TRIM68: variants seen among roughly 807,000 people sequenced by gnomAD.
The protein encoded by TRIM68 is tripartite motif containing 68, also known as E3 ubiquitin-protein ligase TRIM68.
Under a neutral mutation model 41.9 loss-of-function variants are expected in TRIM68, and 36 were observed. The ratio of observed to expected loss-of-function variants is 0.86; its 90% CI spans 0.66 to 1.14. The LOEUF (loss-of-function observed/expected upper bound fraction) is 1.14, where lower values mean the gene tolerates loss of function less well. TRIM68 is among the 50% of genes most tolerant of loss of function. The pLI, the probability that TRIM68 is intolerant of heterozygous loss-of-function variation, is 0.00. For missense variants in TRIM68, 632 were observed against 605.1 expected, an observed-to-expected ratio of 1.04 and a Z score of -0.47; for synonymous variants, 225 against 224.6, an observed-to-expected ratio of 1.00 and a Z score of -0.02.
chr11:4,603,555 T>C (rs1482113750), intron 2 of TRIM68, among the ~76,000 whole-genome samples: 2 of 152,262 alleles, frequency 1.3e-5, no homozygotes, highest in Non-Finnish European at 2.9e-5. Context: ...TCTAAATGTC[T>C]GTAAACTGGA....
At chr11:4,602,767 A>G (rs1278710974) in intron 3 of TRIM68, among the ~76,000 whole-genome samples, 4 of 152,222 alleles carry the variant, frequency 2.6e-5, no homozygotes, top group Admixed American at 6.5e-5. Flanking sequence ...TGTTGATATT[A>G]TATCTGTTCA....
Position 4,600,386 on chromosome 11 carries a change from G to C in TRIM68, c.1348C>G (p.Pro450Ala), listed in dbSNP as rs868551829. The C allele has an allele frequency of 3.7e-6, 6 of 1,613,992 alleles. No individual in the cohort carries two copies. Among genetic ancestry groups the C allele is most frequent in the South Asian group, 1.1e-5 (1 of 91,072 alleles). ...AGGCGCCCAGGGAAGGGATAGCGGGGGAAAGTGAAGATGTGGGAGCCACAG... is the reference window on the plus strand; with the variant it reads ...AGGCGCCCAGGGAAGGGATAGCGGGCGAAAGTGAAGATGTGGGAGCCACAG... Reference protein sequence around the residue: ...TDCGSHIFTFPRYPFPGRLLP... With the variant: ...TDCGSHIFTFARYPFPGRLLP... The change falls in exon 7 of 7, where the codon CCC becomes GCC. Residue 450 changes from proline to alanine, a missense_variant. Physicochemically the swap from Pro to Ala is conservative, Grantham distance 27. Coordinates refer to ENST00000300747, the MANE Select transcript of TRIM68 (RefSeq NM_018073.8).
rs775279519 is a variant in TRIM68 at position 4,603,195 on chromosome 11, G to A, written c.522+50C>T. ...GAATGCTACCCTAGGCCAGCTCCAG[G>A]ACCACACAGGACGACTGACACAAAC... On this transcript the variant is annotated intron_variant, in intron 3 of 6. Coordinates refer to ENST00000300747, the MANE Select transcript of TRIM68 (RefSeq NM_018073.8). 3.2e-6 allele frequency: 5 copies of A among 1,554,626 alleles called. No individual in the cohort carries two copies. The East Asian group carries it at 9.0e-5, about 28-fold the overall frequency.
chr11:4,601,759 G>A (rs1002564955), intron 4 of TRIM68, 73 bp from the exon 5 acceptor site: 2 of 1,570,226 alleles, frequency 1.3e-6, no homozygotes, highest in African/African-American at 1.4e-5. Flanking sequence ...CGAACTGGCA[G>A]GGAGTTTCTC....
chr11:4,602,235 G>A lies in TRIM68; in HGVS notation c.700C>T (p.Leu234Phe), dbSNP rs373863517. The change falls in exon 4 of 7, where the codon CTC (leucine) becomes TTC (phenylalanine). Residue 234 changes from leucine to phenylalanine, a missense_variant. Coordinates refer to ENST00000300747, the MANE Select transcript of TRIM68 (RefSeq NM_018073.8). ...MQKLELNHSE[L>F]IQQSQVLWRM... ...CACAGGACCTGGCTCTGCTGGATGA[G>A]CTCGCTATGGTTCAACTCCAGTTTC... 2.5e-6 allele frequency: 4 copies of A among 1,614,136 alleles called. No homozygotes were observed. Among genetic ancestry groups the A allele is most frequent in the Non-Finnish European group, 2.5e-6 (3 of 1,180,020 alleles).
intron 1 of TRIM68, among the ~76,000 whole-genome samples, chr11:4,606,447 C>T (rs954992266): frequency 6.6e-6 from 1 of 152,214 alleles, no homozygotes; most frequent in South Asian, 2.1e-4. Flanking sequence ...ACATGTTGAT[C>T]CTAGTTCCTG....
intron 3 of TRIM68, 77 bp downstream of exon 3, chr11:4,603,168 G>A (rs1325088763): frequency 5.3e-6 from 7 of 1,323,314 alleles, no homozygotes; most frequent in African/African-American, 2.9e-5. Context: ...TCACAGTGAT[G>A]AGAATGCTAC....
rs74581800 is a variant in TRIM68 at position 4,605,936 on chromosome 11, T to G, written c.-57-375A>C. 3.9e-3 allele frequency among the ~76,000 whole-genome samples: 594 copies of G among 152,344 alleles called. 7 individuals are homozygous for G. Among genetic ancestry groups the G allele is most frequent in the African/African-American group, 0.014 (571 of 41,582 alleles). The stretch of plus-strand genomic sequence containing the variant: ...TCACATAAAATGTGGTATTTCAGTA[T>G]CTGAAGTAAGGCCATAAATACCTCC... On this transcript the variant is annotated intron_variant, in intron 1 of 6. Transcript: ENST00000300747.
At chr11:4,602,502 G>A (rs1203083612) in intron 3 of TRIM68, 90 bp from the exon 4 acceptor site, 12 of 1,515,046 alleles carry the variant, frequency 7.9e-6, no homozygotes, top group Middle Eastern at 2.4e-4. Context: ...ACTCTGCAAT[G>A]GTACCAACCA....
chr11:4,605,030 C>A, intron 2 of TRIM68, 49 bp downstream of exon 2: 2 of 1,586,880 alleles, frequency 1.3e-6, no homozygotes, highest in Non-Finnish European at 1.7e-6. Context: ...CTAGAAACAG[C>A]CAACTTGGGG....
chr11:4,603,401 A>C (rs1846523047), intron 2 of TRIM68, 61 bp from the exon 3 acceptor site: 1 of 1,516,022 alleles, frequency 6.6e-7, no homozygotes, highest in Admixed American at 1.7e-5. Flanking sequence ...TAGCACTGGG[A>C]GGCTATGGGA....
At chr11:4,606,848 TAGCAGGA>T (rs1213719912) in intron 1 of TRIM68, among the ~76,000 whole-genome samples, 12 of 152,204 alleles carry the variant, frequency 7.9e-5, no homozygotes, top group Non-Finnish European at 1.3e-4. Flanking sequence ...CGCAGTCCAG[TAGCAGGA>T]AGCAGGAAGC....
In TRIM68 at chr11:4,604,333, T is replaced by C. The variant is rs139281164; in HGVS notation, c.426+746A>G. ...ACTGAGATAATGGTTCCGATAAAGATGTCATTATGGGCATCTGATGAAAGA... is the reference window on the plus strand; with the variant it reads ...ACTGAGATAATGGTTCCGATAAAGACGTCATTATGGGCATCTGATGAAAGA... On this transcript the variant is annotated intron_variant, in intron 2 of 6. Coordinates refer to ENST00000300747, the MANE Select transcript of TRIM68 (RefSeq NM_018073.8). Among the ~76,000 whole-genome samples the C allele has an allele frequency of 2.8e-3, 428 of 152,314 alleles. 2 individuals are homozygous for C. The highest frequency in any genetic ancestry group is 9.4e-3 in the African/African-American group (391 of 41,562).
rs987189311 is a variant in TRIM68, at chr11:4,601,690, G to A, written c.784-4C>T. 11 of 1,613,708 alleles carry A rather than the reference G, an allele frequency of 6.8e-6. No individual in the cohort carries two copies. The African/African-American group carries it at 1.5e-4, about 22-fold the overall frequency. On this transcript the variant is annotated splice_polypyrimidine_tract_variant and splice_region_variant and intron_variant, in intron 4 of 6. Coordinates refer to ENST00000300747, the MANE Select transcript of TRIM68 (RefSeq NM_018073.8). ...TGTTTAACACTTCCTGAATATCCTG[G>A]AAGGAGAAAAAAAAATGCAGCATCT...
rs1001971983 is a variant in TRIM68, at chr11:4,603,103, G to A, written c.522+142C>T. The A allele has an allele frequency of 6.3e-6, 5 of 788,742 alleles. No individual in the cohort carries two copies. In the African/African-American group the frequency reaches 8.6e-5, roughly 14 times the overall value. 48.9% of individuals were successfully genotyped at this position (788,742 alleles called of 1,614,324 possible). On this transcript the variant is annotated intron_variant, in intron 3 of 6. Transcript: ENST00000300747. ...CGTGGCCTACCTAAGGCCTGGGACAGAGAAAGCAGGGATTAGAACCCTAGG... is the reference window on the plus strand; with the variant it reads ...CGTGGCCTACCTAAGGCCTGGGACAAAGAAAGCAGGGATTAGAACCCTAGG...
In TRIM68 at chr11:4,600,930, G is replaced by A. The variant is rs530723510; in HGVS notation, c.907+97C>T. 30 of 1,562,210 alleles carry A rather than the reference G, an allele frequency of 1.9e-5. 1 individual carries two copies. Among genetic ancestry groups the A allele is most frequent in the East Asian group, 6.7e-5 (3 of 44,470 alleles). The stretch of plus-strand genomic sequence containing the variant: ...ACAGATTTCTCAATGATGAAGGGGT[G>A]AGGCTGGATGGAGCACCCAGAGGGC... On this transcript the variant is annotated intron_variant, in intron 6 of 6. Coordinates refer to ENST00000300747, the MANE Select transcript of TRIM68 (RefSeq NM_018073.8).
At chr11:4,604,855 C>T (rs1201322322) in intron 2 of TRIM68, among the ~76,000 whole-genome samples, 1 of 152,130 alleles carries the variant, frequency 6.6e-6, no homozygotes, top group Admixed American at 6.5e-5. Flanking sequence ...GGAATTGAGC[C>T]CTGTTAGGAT....
intron 1 of TRIM68, among the ~76,000 whole-genome samples, chr11:4,606,575 A>G (rs1846573150): frequency 6.6e-6 from 1 of 152,224 alleles, no homozygotes; most frequent in Non-Finnish European, 1.5e-5. Context: ...TCCTTTTAGC[A>G]TTTGTGAGGT....
chr11:4,600,271 C>T lies in TRIM68; in HGVS notation c.*5G>A, dbSNP rs768317494. 2.6e-6 allele frequency: 4 copies of T among 1,560,130 alleles called. No individual in the cohort carries two copies. In the African/African-American group the frequency reaches 5.5e-5, roughly 21 times the overall value. ...CAAGCCTCTCTGGTTAGGGTGGTAGCTTTCTTAGTCCTCCCCATCCAGGGA... is the reference window on the plus strand; with the variant it reads ...CAAGCCTCTCTGGTTAGGGTGGTAGTTTTCTTAGTCCTCCCCATCCAGGGA... On this transcript the variant is annotated 3_prime_UTR_variant, in exon 7 of 7. Transcript: ENST00000300747.
Sources: gnomAD v4.1 joint callset for allele counts (sites outside exome capture counted in the v4.1 genomes callset) on GRCh38, gnomAD v4.1.1 for gene constraint, MANE v1.5 for transcripts, NCBI Gene and HGNC (gene_info 2026-07-23, HGNC 2026-07-21) for gene names.